IMMP2L: variants seen among roughly 807,000 people sequenced by gnomAD.
IMMP2L encodes the protein mitochondrial inner membrane protease subunit 2.
A neutral mutation model predicts 19.3 loss-of-function variants in IMMP2L; 18 were observed. The observed-to-expected ratio is 0.93, with a 90% CI of 0.64 to 1.38. IMMP2L has a LOEUF of 1.38. Among genes scored for constraint, IMMP2L ranks in the 40% most tolerant of loss-of-function variants. The pLI, the probability that IMMP2L is intolerant of heterozygous loss-of-function variation, is 0.00. For synonymous variants in IMMP2L, 76 were observed against 73.0 expected (o/e 1.04, Z -0.21); for missense variants, 233 against 218.2 (o/e 1.07, Z -0.43).
intron 3 of IMMP2L, among the ~76,000 whole-genome samples, chr7:111,228,657 G>A (rs1454291341): frequency 6.6e-6 from 1 of 151,940 alleles, no homozygotes; most frequent in African/African-American, 2.4e-5. Context: ...GGTGAGTTTT[G>A]TATGAAATTT....
chr7:111,072,758 G>A (rs2129575512), intron 3 of IMMP2L, among the ~76,000 whole-genome samples: 1 of 152,212 alleles, frequency 6.6e-6, no homozygotes, highest in African/African-American at 2.4e-5. Flanking sequence ...AGCCGGGCGA[G>A]GTGGTAGGCA....
chr7:111,413,197 T>C (rs1178088948), intron 3 of IMMP2L, among the ~76,000 whole-genome samples: 1 of 152,076 alleles, frequency 6.6e-6, no homozygotes, highest in African/African-American at 2.4e-5. Context: ...CCCTCATCAA[T>C]CTCAAAAGTT....
intron 3 of IMMP2L, among the ~76,000 whole-genome samples, chr7:111,009,877 C>T (rs561820409): frequency 2.6e-5 from 4 of 152,216 alleles, no homozygotes; most frequent in African/African-American, 9.6e-5. Context: ...AACAAAGGCT[C>T]TGAACCTTGT....
At chr7:111,555,999 A>C (rs2133144328) in intron 1 of IMMP2L, among the ~76,000 whole-genome samples, 1 of 41,630 alleles carries the variant, frequency 2.4e-5, no homozygotes, top group Non-Finnish European at 5.9e-5. Flanking sequence ...CCAATTAGCC[A>C]TCCCTCTTCT....
chr7:111,023,751 T>C (rs950247172), intron 3 of IMMP2L, among the ~76,000 whole-genome samples: 1 of 152,074 alleles, frequency 6.6e-6, no homozygotes, highest in South Asian at 2.1e-4. Flanking sequence ...TTATTCAAAT[T>C]ATGGATTCTT....
intron 3 of IMMP2L, among the ~76,000 whole-genome samples, chr7:111,000,921 T>C (rs1286613353): frequency 6.6e-6 from 1 of 151,642 alleles, no homozygotes; most frequent in Non-Finnish European, 1.5e-5. Context: ...TATTTTGACA[T>C]TCTTGTTTGT....
At chr7:111,113,111 C>A (rs1799438652) in intron 3 of IMMP2L, among the ~76,000 whole-genome samples, 1 of 152,038 alleles carries the variant, frequency 6.6e-6, no homozygotes, top group African/African-American at 2.4e-5. Context: ...GTAATGTTCC[C>A]CTCCAAAATA....
intron 3 of IMMP2L, among the ~76,000 whole-genome samples, chr7:111,017,858 A>T (rs1412063028): frequency 6.6e-6 from 1 of 152,208 alleles, no homozygotes; most frequent in Non-Finnish European, 1.5e-5. Context: ...GAAAATACCC[A>T]TTCAGCAGAA....
At chr7:111,309,175 T>C (rs967678723) in intron 3 of IMMP2L, among the ~76,000 whole-genome samples, 1 of 152,154 alleles carries the variant, frequency 6.6e-6, no homozygotes, top group East Asian at 1.9e-4. Context: ...TTCACAGATG[T>C]ACTGGAGAAA....
chr7:111,410,561 G>A (rs912983751), intron 3 of IMMP2L, among the ~76,000 whole-genome samples: 1 of 150,976 alleles, frequency 6.6e-6, no homozygotes, highest in African/African-American at 2.4e-5. Context: ...GGAGGAAAAT[G>A]TTGCCCACAA....
intron 3 of IMMP2L, among the ~76,000 whole-genome samples, chr7:111,157,689 C>T (rs1020102787): frequency 6.6e-6 from 1 of 151,868 alleles, no homozygotes; most frequent in Non-Finnish European, 1.5e-5. Flanking sequence ...CTACAGTCAA[C>T]AATAATTTAT....
chr7:111,387,359 C>T (rs1016633819), intron 3 of IMMP2L, among the ~76,000 whole-genome samples: 8 of 152,136 alleles, frequency 5.3e-5, no homozygotes, highest in Non-Finnish European at 1.0e-4. Context: ...TCTGTGGTAT[C>T]ATCACAAAAT....
At chr7:110,699,509 C>T (rs1172085354) in intron 5 of IMMP2L, among the ~76,000 whole-genome samples, 3 of 152,016 alleles carry the variant, frequency 2.0e-5, no homozygotes, top group Non-Finnish European at 2.9e-5. Flanking sequence ...CAGTGGCTCG[C>T]GCCTTAATTC....
chr7:110,726,995 T>C lies in IMMP2L; in HGVS notation c.409-63274A>G, dbSNP rs570986826. ...TCAACAAAAAACACAGGAGGGACCA[T>C]TGGCTTTATTAGCAAGAATGGAAAT... On this transcript the variant is annotated intron_variant, in intron 5 of 5. Transcript: ENST00000405709. Among the ~76,000 whole-genome samples, 8 of 152,326 alleles carry C rather than the reference T, an allele frequency of 5.3e-5. No homozygotes were observed. The South Asian group carries it at 8.3e-4, about 16-fold the overall frequency.
chr7:110,666,625 G>A (rs1791475828), intron 5 of IMMP2L, among the ~76,000 whole-genome samples: 1 of 151,942 alleles, frequency 6.6e-6, no homozygotes, highest in South Asian at 2.1e-4. Flanking sequence ...CTCCTGGGGT[G>A]TCAATATTCT....
chr7:110,963,309 A>G (rs1819162217), intron 4 of IMMP2L, among the ~76,000 whole-genome samples, 191 bp downstream of exon 4: 1 of 152,018 alleles, frequency 6.6e-6, no homozygotes, highest in Admixed American at 6.6e-5. Context: ...GAATAACAAT[A>G]TGATCAGTAA....
At chr7:110,818,225 G>C (rs1295540083) in intron 5 of IMMP2L, among the ~76,000 whole-genome samples, 2 of 151,962 alleles carry the variant, frequency 1.3e-5, no homozygotes, top group African/African-American at 4.8e-5. Flanking sequence ...CTGACAAAGG[G>C]CTAATATCCA....
intron 3 of IMMP2L, among the ~76,000 whole-genome samples, chr7:111,054,183 A>C (rs1447004769): frequency 6.6e-6 from 1 of 152,240 alleles, no homozygotes; most frequent in African/African-American, 2.4e-5. Context: ...ACAGGAATTT[A>C]AAATTCACCC....
At chr7:111,096,459 C>A (rs1279939705) in intron 3 of IMMP2L, among the ~76,000 whole-genome samples, 1 of 150,530 alleles carries the variant, frequency 6.6e-6, no homozygotes, top group South Asian at 2.1e-4. Context: ...AAATTAAAAT[C>A]TTTATTTCTT....
Sources: allele counts gnomAD v4.1 joint callset (sites outside exome capture counted in the v4.1 genomes callset), GRCh38; gene constraint gnomAD v4.1.1; transcripts MANE v1.5; gene names NCBI Gene and HGNC (gene_info 2026-07-23, HGNC 2026-07-21).